The following ADAM10 variants were observed in gnomAD, a reference collection of about 807,000 sequenced individuals.
ADAM10 encodes the protein ADAM metallopeptidase domain 10.
ADAM10 carries 17 observed loss-of-function variants against 90.1 expected under a neutral mutation model. That is an observed-to-expected ratio of 0.19 (90% CI 0.13 to 0.28). The LOEUF (loss-of-function observed/expected upper bound fraction) is 0.28, where lower values mean the gene tolerates loss of function less well. Ranked by LOEUF, ADAM10 falls within the 10% of genes least tolerant of loss-of-function variation. The probability of loss-of-function intolerance (pLI) is 1.00; values close to 1 mark genes in which losing one functional copy is unlikely to be tolerated. For missense variants in ADAM10, 610 were observed against 914.3 expected (o/e 0.67, Z 4.29); for synonymous variants, 310 against 298.6 (o/e 1.04, Z -0.40).
At chr15:58,617,829 AAGG>A (rs1474803428) in intron 11 of ADAM10, among the ~76,000 whole-genome samples, 3 of 151,982 alleles carry the variant, frequency 2.0e-5, no homozygotes, top group Non-Finnish European at 4.4e-5. Flanking sequence ...TAATAAACGC[AAGG>A]AGGTGAGTTT....
chr15:58,632,634 T>G (rs1320070507), intron 9 of ADAM10, among the ~76,000 whole-genome samples: 1 of 152,250 alleles, frequency 6.6e-6, no homozygotes, highest in Non-Finnish European at 1.5e-5. Context: ...AACGCTTTGT[T>G]GCACTATTTG....
intron 2 of ADAM10, chr15:58,691,119 G>C (rs7179724): frequency 0.19 from 126,331 of 675,934 alleles, 13,436 homozygotes; most frequent in East Asian, 0.43. Context: ...GTAGGTGCTG[G>C]TCACAATGCG....
intron 14 of ADAM10, among the ~76,000 whole-genome samples, chr15:58,604,552 CA>C (rs1179165875): frequency 6.6e-6 from 1 of 152,120 alleles, no homozygotes; most frequent in African/African-American, 2.4e-5. Flanking sequence ...ACCCAACAAA[CA>C]AAATACCTGT....
chr15:58,692,205 G>A (rs777854003), intron 2 of ADAM10: 7 of 566,202 alleles, frequency 1.2e-5, no homozygotes, highest in African/African-American at 5.7e-5. Flanking sequence ...GATGAGGGAT[G>A]AACAGCAATG....
At chr15:58,722,726 C>CTTTT (rs71116592) in intron 1 of ADAM10, among the ~76,000 whole-genome samples, 34 of 103,984 alleles carry the variant, frequency 3.3e-4, no homozygotes, top group East Asian at 1.8e-3. Context: ...AATTTGAGAA[C>CTTTT]TTTTTTTTTT....
intron 5 of ADAM10, among the ~76,000 whole-genome samples, chr15:58,659,144 G>A (rs1041315884): frequency 4.6e-5 from 7 of 151,856 alleles, no homozygotes; most frequent in Non-Finnish European, 7.4e-5. Context: ...GTGGTGGTGC[G>A]CACCTGTAAT....
chr15:58,670,016 C>T (rs533596825), intron 4 of ADAM10, among the ~76,000 whole-genome samples: 3 of 152,042 alleles, frequency 2.0e-5, no homozygotes, highest in South Asian at 4.1e-4. Flanking sequence ...TGTTTATTAT[C>T]TTAAATGCTA....
chr15:58,690,694 G>C lies in ADAM10; in HGVS notation c.207-8380C>G, dbSNP rs985669334. On this transcript the variant is annotated intron_variant, in intron 2 of 15. Transcript: ENST00000260408. ...ACTCAAAGCTGCAGTGGGAGCCATG[G>C]GGACACTATGCAAGGGCACAAGGTT... Among the ~76,000 whole-genome samples, 3 of 151,898 alleles carry C rather than the reference G, an allele frequency of 2.0e-5. No homozygotes were observed. In the South Asian group the frequency reaches 6.2e-4, roughly 32 times the overall value.
chr15:58,607,363 T>TAA (rs1193914781), intron 14 of ADAM10, among the ~76,000 whole-genome samples: 1 of 152,248 alleles, frequency 6.6e-6, no homozygotes, highest in Admixed American at 6.5e-5. Context: ...ATTTAGGACT[T>TAA]AGTCTTTTCA....
chr15:58,643,985 T>G lies in ADAM10; in HGVS notation c.736-7A>C. The G allele has an allele frequency of 6.3e-7, 1 of 1,593,294 alleles. No homozygotes were observed. Among genetic ancestry groups the G allele is most frequent in the Non-Finnish European group, 8.6e-7 (1 of 1,161,460 alleles). ...CTTTAACATGACTGGATATCTATGA[T>G]TTAAAAAAAAGAACATTTTAGAGGC... On this transcript the variant is annotated splice_polypyrimidine_tract_variant and splice_region_variant and intron_variant, in intron 6 of 15. Transcript: ENST00000260408.
At chr15:58,620,368 G>A (rs1271638155) in intron 11 of ADAM10, among the ~76,000 whole-genome samples, 1 of 152,004 alleles carries the variant, frequency 6.6e-6, no homozygotes, top group Non-Finnish European at 1.5e-5. Flanking sequence ...TCAGGAGGCT[G>A]AGGCAGGATA....
At position 58,633,305 on chromosome 15, in the gene ADAM10, T is replaced by C; in HGVS notation, c.1067A>G (p.Lys356Arg). The C allele has an allele frequency of 6.2e-7, 1 of 1,613,568 alleles. No individual in the cohort carries two copies. Among genetic ancestry groups the C allele is most frequent in the Non-Finnish European group, 8.5e-7 (1 of 1,179,582 alleles). The change falls in exon 9 of 16, where the codon AAG becomes AGG. Residue 356 changes from lysine to arginine, a missense_variant. Transcript: ENST00000260408. ...KSKLYSDGKK[K>R]SLNTGIITVQ... ...AGTAATAATTCCAGTGTTTAAGGACTTCTTCTTACCATCTGAATAGAGTTT... is the reference window on the plus strand; with the variant it reads ...AGTAATAATTCCAGTGTTTAAGGACCTCTTCTTACCATCTGAATAGAGTTT...
rs1473333863 is a variant in ADAM10, at chr15:58,593,288, T to C, written c.*4259A>G. 6.7e-6 allele frequency: 1 copy of C among 148,762 alleles called. No individual in the cohort carries two copies. The allele number at this position is 148,762 out of a possible 1,614,324, so 9.2% of individuals were successfully genotyped here. A position where few individuals can be genotyped will look rare whatever the true frequency, so the allele number is the denominator to read the frequency against. On this transcript the variant is annotated 3_prime_UTR_variant, in exon 16 of 16. Transcript: ENST00000260408. ...TCTGCCTCCTGGGTTCAAGCAAATC[T>C]CCTGCCTCTGCCTCCCGGGTTCAAG...
intron 1 of ADAM10, among the ~76,000 whole-genome samples, chr15:58,730,425 C>G (rs571056305): frequency 2.0e-5 from 3 of 152,092 alleles, no homozygotes; most frequent in Admixed American, 6.5e-5. Context: ...GTTGAATAAG[C>G]GAAGTATTAC....
chr15:58,726,724 G>C (rs1442632133), intron 1 of ADAM10, among the ~76,000 whole-genome samples: 10 of 151,784 alleles, frequency 6.6e-5, no homozygotes, highest in Non-Finnish European at 1.5e-4. Flanking sequence ...ATCCAGCTGA[G>C]TACATTAGTG....
chr15:58,610,123 G>A, intron 14 of ADAM10, 174 bp downstream of exon 14: 1 of 680,524 alleles, frequency 1.5e-6, no homozygotes, highest in Admixed American at 2.3e-5. Flanking sequence ...ACATGATTCT[G>A]ATCACTTCAG....
intron 5 of ADAM10, among the ~76,000 whole-genome samples, chr15:58,661,068 G>GT (rs1896953743): frequency 6.6e-6 from 1 of 152,182 alleles, no homozygotes; most frequent in Admixed American, 6.5e-5. Flanking sequence ...TTCACAAATT[G>GT]TTTAAGAAAC....
rs1424657139 is a variant in ADAM10, at chr15:58,727,215, A to T, written c.56-9488T>A. 1.9e-5 allele frequency among the ~76,000 whole-genome samples: 2 copies of T among 104,358 alleles called. 1 individual carries two copies. Among genetic ancestry groups the T allele is most frequent in the East Asian group, 6.8e-4 (2 of 2,922 alleles). 68.5% of individuals were successfully genotyped at this position (104,358 alleles called of 152,430 possible). On this transcript the variant is annotated intron_variant, in intron 1 of 15. Coordinates refer to ENST00000260408, the MANE Select transcript of ADAM10 (RefSeq NM_001110.4). Reference sequence around the variant, plus strand: ...TTTTTTTTTTTTTTTTCCCAAAAACAGCGTTTCGCTCGTTGCCCAGGCCGT... The same window carrying T: ...TTTTTTTTTTTTTTTTCCCAAAAACTGCGTTTCGCTCGTTGCCCAGGCCGT...
intron 2 of ADAM10, among the ~76,000 whole-genome samples, chr15:58,696,304 A>AC (rs1362612261): frequency 2.0e-5 from 3 of 151,166 alleles, no homozygotes; most frequent in Non-Finnish European, 3.0e-5. Flanking sequence ...AACAACAAAA[A>AC]AAAACATTGT....
Sources: gnomAD v4.1 joint callset for allele counts (sites outside exome capture counted in the v4.1 genomes callset) on GRCh38, gnomAD v4.1.1 for gene constraint, MANE v1.5 for transcripts, NCBI Gene and HGNC (gene_info 2026-07-23, HGNC 2026-07-21) for gene names.